Variants in ICE1 observed in about 807,000 individuals in gnomAD.
ICE1 encodes the protein little elongation complex subunit 1.
In ICE1, 64 loss-of-function variants were observed where a neutral mutation model predicts 192.7. That is an observed-to-expected ratio of 0.33 (90% CI 0.27 to 0.41). The LOEUF (loss-of-function observed/expected upper bound fraction) is 0.41. Ranked by LOEUF, ICE1 falls within the 10% of genes least tolerant of loss-of-function variation. The pLI, the probability that ICE1 is intolerant of heterozygous loss-of-function variation, is 1.00. For missense variants in ICE1, 2,708 were observed against 2,696.0 expected (o/e 1.00, Z -0.10); for synonymous variants, 1,010 against 984.5 (o/e 1.03, Z -0.49).
At position 5,464,623 on chromosome 5, in the gene ICE1, C is replaced by G; in HGVS notation, c.5289C>G (p.Ala1763=). Residue 1763 remains alanine, a synonymous_variant, in exon 13 of 19, where the codon GCC becomes GCG. Coordinates refer to ENST00000296564, the MANE Select transcript of ICE1 (RefSeq NM_015325.3). The surrounding 1 kb of genome is among the most constrained non-coding windows in gnomAD (Gnocchi z 4.0). ...TGTATCCAGAGTTATCTGCCAGGGC[C>G]CGGACCCTCAACATCCTCAAAGGGA... The part of the protein sequence containing the change: ...DTMYPELSAR[A]RTLNILKGNI... 1.9e-6 allele frequency: 3 copies of G among 1,612,746 alleles called. No homozygotes were observed. The South Asian group carries it at 3.3e-5, about 18-fold the overall frequency.
chr5:5,427,155 GT>G (rs1737549131), intron 1 of ICE1, among the ~76,000 whole-genome samples: 6 of 152,182 alleles, frequency 3.9e-5, no homozygotes, highest in African/African-American at 1.4e-4. Context: ...TGATTCAGAA[GT>G]GTGCAGATTG....
At chr5:5,430,564 C>T (rs968445693) in intron 1 of ICE1, among the ~76,000 whole-genome samples, 2 of 152,178 alleles carry the variant, frequency 1.3e-5, no homozygotes, top group African/African-American at 4.8e-5. Flanking sequence ...CCCCCAGCCC[C>T]ACTCATCCCT....
At position 5,457,674 on chromosome 5, in the gene ICE1, C is replaced by T; in HGVS notation, c.1034C>T (p.Ser345Leu). The change falls in exon 12 of 19, where the codon TCA becomes TTA. Residue 345 changes from serine (S) to leucine (L), a missense_variant. By Grantham distance (145) the Ser-to-Leu change is moderately radical. Around this residue, in one of 2 missense-constraint regions of ICE1, gnomAD observed 2,366 missense variants for 2,276.6 expected, o/e 1.04. Coordinates refer to ENST00000296564, the MANE Select transcript of ICE1 (RefSeq NM_015325.3). ...DFFKLPPPLL[S>L]PVPSPPPMSS... ...TTCAAACTTCCCCCTCCTCTTCTGT[C>T]ACCAGTGCCCTCGCCCCCTCCGATG... 1 of 1,613,888 alleles carries T rather than the reference C, an allele frequency of 6.2e-7. No individual in the cohort carries two copies. Among genetic ancestry groups the T allele is most frequent in the South Asian group, 1.1e-5 (1 of 91,068 alleles).
At chr5:5,473,297 C>G (rs1232000765) in intron 15 of ICE1, among the ~76,000 whole-genome samples, 1 of 152,196 alleles carries the variant, frequency 6.6e-6, no homozygotes, top group African/African-American at 2.4e-5. Flanking sequence ...GCTTTCCTAT[C>G]TGGATTACAG....
Position 5,489,615 on chromosome 5 carries a change from T to A in ICE1, c.*285T>A. 4.3e-6 allele frequency: 1 copy of A among 234,126 alleles called. No individual in the cohort carries two copies. The allele number at this position is 234,126 out of a possible 1,614,324, so 14.5% of individuals were successfully genotyped here. On this transcript the variant is annotated 3_prime_UTR_variant, in exon 19 of 19. Transcript: ENST00000296564. ...AACAACAAAAACTTGAACTTAGCCC[T>A]TTTTTTGCTGCAGAAAGTGTCCTTT...
chr5:5,473,616 G>A lies in ICE1; in HGVS notation c.6281G>A (p.Cys2094Tyr), dbSNP rs562788697. The change falls in exon 16 of 19, where the codon TGT becomes TAT. Residue 2094 changes from cysteine (C) to tyrosine (Y), a missense_variant. This residue lies in a region of ICE1 where 342 missense variants were observed against 419.3 expected (regional missense o/e 0.82). Transcript: ENST00000296564. Reference sequence around the variant, plus strand: ...AAGCTGCTTTTGACCATACAGTTATGTCCAAAAACAGAATTTCAACCTAGT... The same window carrying A: ...AAGCTGCTTTTGACCATACAGTTATATCCAAAAACAGAATTTCAACCTAGT... ...VSKLLLTIQL[C>Y]PKTEFQPSEK... is the part of the protein sequence containing the mutation. 1.5e-4 allele frequency: 247 copies of A among 1,613,550 alleles called. 2 individuals are homozygous for A. The South Asian group carries it at 2.5e-3, about 17-fold the overall frequency.
At chr5:5,469,087 A>G (rs1739079170) in intron 15 of ICE1, 99 bp downstream of exon 15, 8 of 820,436 alleles carry the variant, frequency 9.8e-6, no homozygotes, top group Non-Finnish European at 1.4e-5. Flanking sequence ...GTTCATAGGC[A>G]TTTTCTTCTT....
In ICE1 at chr5:5,463,411, GGAA is replaced by G. The variant is rs1738864691; in HGVS notation, c.4083_4085del (p.Glu1361del). 1 of 1,613,672 alleles carries G rather than the reference GGAA, an allele frequency of 6.2e-7. No homozygotes were observed. The highest frequency in any genetic ancestry group is 2.2e-5 in the East Asian group (1 of 44,878). ...ATGCAGGCAGGCAAACCGATGGTGG[GGAA>G]GAAGACCTGCCAGAACCTGTGGAGC... On this transcript the variant is annotated inframe_deletion, in exon 13 of 19. Transcript: ENST00000296564.
At chr5:5,460,377 T>G in intron 12 of ICE1, 59 bp from the exon 13 acceptor site, 1 of 1,031,790 alleles carries the variant, frequency 9.7e-7, no homozygotes, top group South Asian at 1.7e-5. Context: ...TGCATTTAAT[T>G]GATAGTCATG....
intron 1 of ICE1, among the ~76,000 whole-genome samples, chr5:5,425,821 T>C (rs115846038): frequency 9.3e-4 from 142 of 152,132 alleles, no homozygotes; most frequent in Non-Finnish European, 1.5e-3. Context: ...TACATAATAG[T>C]GATAACAAAA....
In ICE1 at chr5:5,422,987, C is replaced by A; in HGVS notation, c.72C>A (p.Ala24=). 1 of 1,447,046 alleles carries A rather than the reference C, an allele frequency of 6.9e-7. No individual in the cohort carries two copies. The highest frequency in any genetic ancestry group is 1.3e-5 in the South Asian group (1 of 74,282). The allele number at this position is 1,447,046 out of a possible 1,614,324, so 89.6% of individuals were successfully genotyped here. A position where few individuals can be genotyped will look rare whatever the true frequency, so the allele number is the denominator to read the frequency against. ...ACCTGTCGCGATGTCAGGGCTGCGC[C>A]TCTCTGCAGCAGGTGCAGCACCTCC... is the stretch of plus-strand genomic sequence containing the variant. The part of the protein sequence containing the change: ...AADLSRCQGC[A]SLQQNLNEYV... The change falls in exon 1 of 19, where the codon GCC becomes GCA. Residue 24 remains alanine (A), a synonymous_variant. Transcript: ENST00000296564.
At position 5,463,378 on chromosome 5, in the gene ICE1, C is replaced by T. The variant is rs774314170; in HGVS notation, c.4044C>T (p.Ala1348=). Residue 1348 remains alanine, a synonymous_variant, in exon 13 of 19, where the codon GCC becomes GCT. Coordinates refer to ENST00000296564, the MANE Select transcript of ICE1 (RefSeq NM_015325.3). ...QNENPQSRPE[A]RSDAGRQTDG... is the part of the protein sequence containing the mutation. ...AAAACCCTCAGAGCAGACCAGAGGC[C>T]CGTTCAGATGCAGGCAGGCAAACCG... 2.5e-6 allele frequency: 4 copies of T among 1,613,688 alleles called. No individual in the cohort carries two copies. Among genetic ancestry groups the T allele is most frequent in the Non-Finnish European group, 3.4e-6 (4 of 1,179,866 alleles).
At chr5:5,458,134 C>T (rs573535617) in intron 12 of ICE1, among the ~76,000 whole-genome samples, 54 of 152,238 alleles carry the variant, frequency 3.5e-4, no homozygotes, top group African/African-American at 1.3e-3. Context: ...CTGGTGTAGC[C>T]GAGTTTTCTA....
intron 1 of ICE1, among the ~76,000 whole-genome samples, chr5:5,429,856 G>C (rs10063885): frequency 0.46 from 69,195 of 151,946 alleles, 16,738 homozygotes; most frequent in East Asian, 0.63. Context: ...AAATTGTCTG[G>C]TAGAGGGGAG....
chr5:5,440,712 A>G (rs1477981919), intron 4 of ICE1, among the ~76,000 whole-genome samples: 1 of 152,022 alleles, frequency 6.6e-6, no homozygotes, highest in Non-Finnish European at 1.5e-5. Context: ...AAATAGTACT[A>G]CTTAATGGTA....
In ICE1 at chr5:5,457,690, C is replaced by G. The variant is rs1376333750; in HGVS notation, c.1050C>G (p.Pro350=). 1.2e-6 allele frequency: 2 copies of G among 1,613,844 alleles called. No individual in the cohort carries two copies. The highest frequency in any genetic ancestry group is 1.7e-6 in the Non-Finnish European group (2 of 1,179,820). ...PPPLLSPVPS[P]PPMSSPHPGS... Reference sequence around the variant, plus strand: ...CTCTTCTGTCACCAGTGCCCTCGCCCCCTCCGATGTCATCACCTCACCCGG... The same window carrying G: ...CTCTTCTGTCACCAGTGCCCTCGCCGCCTCCGATGTCATCACCTCACCCGG... The change falls in exon 12 of 19, where the codon CCC becomes CCG. Residue 350 remains proline (P), a synonymous_variant. Coordinates refer to ENST00000296564, the MANE Select transcript of ICE1 (RefSeq NM_015325.3).
At chr5:5,473,485 C>T (rs1739224478) in intron 15 of ICE1, 73 bp from the exon 16 acceptor site, 1 of 1,302,254 alleles carries the variant, frequency 7.7e-7, no homozygotes, top group South Asian at 1.4e-5. Flanking sequence ...TTATTATAGT[C>T]TTTTAGATAA....
chr5:5,450,604 C>T (rs1738386651), intron 10 of ICE1, among the ~76,000 whole-genome samples: 1 of 152,142 alleles, frequency 6.6e-6, no homozygotes, highest in African/African-American at 2.4e-5. Flanking sequence ...TTTTTGTGTA[C>T]AGTCTCCGTC....
chr5:5,437,369 G>T, intron 3 of ICE1: 3 of 358,790 alleles, frequency 8.4e-6, no homozygotes, highest in African/African-American at 2.1e-5. Context: ...CTTTTTAGTG[G>T]GTGGGTTTCT....
Sources: allele counts gnomAD v4.1 joint callset (sites outside exome capture counted in the v4.1 genomes callset), GRCh38; gene constraint gnomAD v4.1.1; regional missense constraint gnomAD v4.1.1; non-coding constraint Gnocchi (gnomAD v3.1); transcripts MANE v1.5; gene names NCBI Gene and HGNC (gene_info 2026-07-23, HGNC 2026-07-21).